The following GCNT2 variants were observed in gnomAD, a reference collection of about 807,000 sequenced individuals.
GCNT2 encodes the protein glucosaminyl (N-acetyl) transferase 2 (I blood group).
GCNT2 carries 34 observed loss-of-function variants against 34.2 expected under a neutral mutation model. The ratio of observed to expected loss-of-function variants is 1.00; its 90% CI spans 0.76 to 1.32. GCNT2 has a LOEUF of 1.32. Among genes scored for constraint, GCNT2 ranks in the 40% most tolerant of loss-of-function variants. GCNT2 has a pLI of 0.00. For missense variants in GCNT2, 584 were observed against 489.4 expected, an observed-to-expected ratio of 1.19 and a Z score of -1.82; for synonymous variants, 212 against 188.0, an observed-to-expected ratio of 1.13 and a Z score of -1.04.
intron 3 of GCNT2, among the ~76,000 whole-genome samples, chr6:10,539,087 C>T (rs79348084): frequency 0.011 from 1,658 of 150,262 alleles, 23 homozygotes; most frequent in African/African-American, 0.037. Context: ...TTTGTTTACT[C>T]TCTATTAGAG....
At chr6:10,576,602 T>G (rs1383276515) in intron 3 of GCNT2, among the ~76,000 whole-genome samples, 1 of 151,814 alleles carries the variant, frequency 6.6e-6, no homozygotes, top group Non-Finnish European at 1.5e-5. Context: ...ATGGAAAGAC[T>G]TAGGGGGAGG....
At chr6:10,619,505 A>G (rs1041250234) in intron 3 of GCNT2, 5 of 152,106 alleles carry the variant, frequency 3.3e-5, no homozygotes, top group African/African-American at 1.2e-4. Context: ...GGGAGTCACA[A>G]AGCCTGCCTA....
chr6:10,560,441 C>T (rs1029626654), intron 3 of GCNT2, among the ~76,000 whole-genome samples: 12 of 152,198 alleles, frequency 7.9e-5, no homozygotes, highest in Admixed American at 3.3e-4. Context: ...TTCTTCTGTC[C>T]GTACAGGGTA....
chr6:10,588,945 G>GTGTTT (rs1194227993), intron 3 of GCNT2, among the ~76,000 whole-genome samples: 9 of 148,142 alleles, frequency 6.1e-5, no homozygotes, highest in African/African-American at 2.2e-4. Context: ...TGCGGTGTGT[G>GTGTTT]TGTTTGTAGT....
At chr6:10,532,408 C>T (rs1027044603) in intron 3 of GCNT2, among the ~76,000 whole-genome samples, 7 of 152,212 alleles carry the variant, frequency 4.6e-5, no homozygotes, top group Non-Finnish European at 4.4e-5. Context: ...AGGAACACTG[C>T]CGGAGGACCC....
chr6:10,624,510 C>T (rs1424827831), intron 4 of GCNT2, among the ~76,000 whole-genome samples: 1 of 152,186 alleles, frequency 6.6e-6, no homozygotes, highest in Non-Finnish European at 1.5e-5. Context: ...CACTGCATCC[C>T]TCCCACAACA....
At chr6:10,524,739 G>T (rs1761106303) in intron 1 of GCNT2, among the ~76,000 whole-genome samples, 6 of 152,000 alleles carry the variant, frequency 3.9e-5, no homozygotes, top group African/African-American at 1.4e-4. Context: ...TGAGGCAGGA[G>T]AATCACTTGA....
chr6:10,557,396 T>A lies in GCNT2; in HGVS notation c.925+27560T>A. The stretch of plus-strand genomic sequence containing the variant: ...AGAAATGTGTCGTATTTGAAAGGGC[T>A]TTAGAATAACCAGCCACTTTTTATT... On this transcript the variant is annotated intron_variant, in intron 3 of 4. Coordinates refer to ENST00000495262, the MANE Select transcript of GCNT2 (RefSeq NM_145649.5). 6 of 1,418,272 alleles carry A rather than the reference T, an allele frequency of 4.2e-6. No homozygotes were observed. The East Asian group carries it at 1.1e-4, about 27-fold the overall frequency. The allele number at this position is 1,418,272 out of a possible 1,614,324, so 87.9% of individuals were successfully genotyped here.
At chr6:10,526,475 A>T (rs1384587052) in intron 1 of GCNT2, among the ~76,000 whole-genome samples, 1 of 152,216 alleles carries the variant, frequency 6.6e-6, no homozygotes, top group African/African-American at 2.4e-5. Context: ...AGTGATTGTG[A>T]AGATAATACC....
At chr6:10,586,492 A>G (rs1270561569) in intron 3 of GCNT2, 1 of 1,614,220 alleles carries the variant, frequency 6.2e-7, no homozygotes, top group Non-Finnish European at 8.5e-7. Flanking sequence ...TCCAGACTCC[A>G]GGCTGACCTG....
intron 3 of GCNT2, among the ~76,000 whole-genome samples, chr6:10,543,194 C>T (rs559274735): frequency 1.2e-4 from 18 of 151,570 alleles, no homozygotes; most frequent in Non-Finnish European, 2.1e-4. Context: ...AGGAGTGAGC[C>T]ACCACGCCCG....
intron 3 of GCNT2, among the ~76,000 whole-genome samples, chr6:10,603,817 CTTTTTT>C (rs571206713): frequency 0.016 from 1,788 of 114,658 alleles, 25 homozygotes; most frequent in African/African-American, 0.041. Flanking sequence ...GCCTGACAGT[CTTTTTT>C]TTTTTTTTTT....
In GCNT2 at chr6:10,557,132, A is replaced by C. The variant is rs143057896; in HGVS notation, c.925+27296A>C. 13 of 1,554,034 alleles carry C rather than the reference A, an allele frequency of 8.4e-6. No individual in the cohort carries two copies. In the African/African-American group the frequency reaches 1.8e-4, roughly 21 times the overall value. ...ATATGTCCACCAAGAGCACCTGGGC[A>C]AAGAGCTTTCCTATGTGATAAGAAC... On this transcript the variant is annotated intron_variant, in intron 3 of 4. Coordinates refer to ENST00000495262, the MANE Select transcript of GCNT2 (RefSeq NM_145649.5).
At chr6:10,617,551 C>T (rs890312618) in intron 3 of GCNT2, among the ~76,000 whole-genome samples, 2 of 152,192 alleles carry the variant, frequency 1.3e-5, no homozygotes, top group Non-Finnish European at 2.9e-5. Context: ...GCGAGGGCTG[C>T]TAGCATGCTG....
intron 3 of GCNT2, chr6:10,556,523 C>T (rs768735603): frequency 6.2e-7 from 1 of 1,613,970 alleles, no homozygotes; most frequent in Non-Finnish European, 8.5e-7. Flanking sequence ...TCCAAGCTTC[C>T]AAAGGCTAAA....
chr6:10,585,900 G>C (rs1190689514), intron 3 of GCNT2: 5 of 1,588,458 alleles, frequency 3.1e-6, no homozygotes, highest in Non-Finnish European at 4.3e-6. Flanking sequence ...CGAAATTCAA[G>C]ACTGGCAAGA....
chr6:10,543,098 G>T (rs1472377199), intron 3 of GCNT2, among the ~76,000 whole-genome samples: 1 of 151,404 alleles, frequency 6.6e-6, no homozygotes, highest in African/African-American at 2.4e-5. Flanking sequence ...AGTAGAGACG[G>T]GGTTTCACCA....
chr6:10,541,325 C>T (rs1318606678), intron 3 of GCNT2, among the ~76,000 whole-genome samples: 2 of 152,102 alleles, frequency 1.3e-5, no homozygotes, highest in Non-Finnish European at 1.5e-5. Context: ...TATCCATGTC[C>T]CTGCAAAGGA....
Position 10,528,716 on chromosome 6 carries a change from A to T in GCNT2, c.-196A>T. On this transcript the variant is annotated 5_prime_UTR_variant, in exon 3 of 5. Transcript: ENST00000495262. ...ATGTGTCACAGAAAAGTGAAAATGC[A>T]ACCTAGTGGTAAGTGAAGAGGGGAA... is the stretch of plus-strand genomic sequence containing the variant. 1 of 613,622 alleles carries T rather than the reference A, an allele frequency of 1.6e-6. No homozygotes were observed. Among genetic ancestry groups the T allele is most frequent in the Non-Finnish European group, 2.9e-6 (1 of 346,924 alleles). The allele number at this position is 613,622 out of a possible 1,614,324, so 38.0% of individuals were successfully genotyped here. A position where few individuals can be genotyped will look rare whatever the true frequency, so the allele number is the denominator to read the frequency against.
Sources: allele counts gnomAD v4.1 joint callset (sites outside exome capture counted in the v4.1 genomes callset), GRCh38; gene constraint gnomAD v4.1.1; transcripts MANE v1.5; gene names NCBI Gene and HGNC (gene_info 2026-07-23, HGNC 2026-07-21).